ZDHHC24: variants seen among roughly 807,000 people sequenced by gnomAD.
The protein encoded by ZDHHC24 is zDHHC palmitoyltransferase 24.
ZDHHC24 carries 17 observed loss-of-function variants against 23.2 expected under a neutral mutation model. The observed-to-expected ratio is 0.73, with a 90% CI of 0.50 to 1.10. The LOEUF (loss-of-function observed/expected upper bound fraction) is 1.10, where lower values mean the gene tolerates loss of function less well. Among genes scored for constraint, ZDHHC24 ranks in the 50% least tolerant of loss-of-function variants. The probability of loss-of-function intolerance (pLI) is 0.00; values close to 1 mark genes in which losing one functional copy is unlikely to be tolerated. For missense variants in ZDHHC24, 366 were observed against 393.0 expected, an observed-to-expected ratio of 0.93 and a Z score of 0.58; for synonymous variants, 186 against 194.5, an observed-to-expected ratio of 0.96 and a Z score of 0.36.
chr11:66,544,455 T>A (rs947058403), intron 1 of ZDHHC24, among the ~76,000 whole-genome samples: 5 of 152,202 alleles, frequency 3.3e-5, no homozygotes, highest in African/African-American at 9.7e-5. Flanking sequence ...TCCTACAACA[T>A]CCTTCTATCT....
Position 66,545,869 on chromosome 11 carries a change from C to A in ZDHHC24, c.135G>T (p.Pro45=), listed in dbSNP as rs1476030062. 2 of 1,548,302 alleles carry A rather than the reference C, an allele frequency of 1.3e-6. No homozygotes were observed. The highest frequency in any genetic ancestry group is 1.4e-5 in the African/African-American group (1 of 73,378). Residue 45 remains proline, a synonymous_variant, in exon 1 of 3, where the codon CCG becomes CCT. Transcript: ENST00000310442. The surrounding 1 kb of genome is among the most constrained non-coding windows in gnomAD (Gnocchi z 4.5). The part of the protein sequence containing the change: ...YVLVLGPGPP[P]LGPLARALQL... ...GCAAGGCCCGGGCCAGGGGTCCCAGCGGCGGCGGCCCGGGACCGAGCACCA... is the reference window on the plus strand; with the variant it reads ...GCAAGGCCCGGGCCAGGGGTCCCAGAGGCGGCGGCCCGGGACCGAGCACCA...
At position 66,538,601 on chromosome 11, in the gene ZDHHC24, T is replaced by G. The variant is rs1857051455; in HGVS notation, c.*928A>C. 6.6e-6 allele frequency: 1 copy of G among 152,162 alleles called. No homozygotes were observed. The highest frequency in any genetic ancestry group is 2.4e-5 in the African/African-American group (1 of 41,418). 9.4% of individuals were successfully genotyped at this position (152,162 alleles called of 1,614,324 possible). A position where few individuals can be genotyped will look rare whatever the true frequency, so the allele number is the denominator to read the frequency against. On this transcript the variant is annotated 3_prime_UTR_variant, in exon 3 of 3. Transcript: ENST00000310442. ...CTACTGTCTTCCCTCCTGTTTTCTT[T>G]CCCTTTGTATTATTTTTGATTTTCT...
chr11:66,530,144 C>T (rs1856707491), intron 2 of ZDHHC24, among the ~76,000 whole-genome samples: 1 of 152,164 alleles, frequency 6.6e-6, no homozygotes, highest in Non-Finnish European at 1.5e-5. Flanking sequence ...CACCTTCCCA[C>T]CCTCCTGTGC....
At chr11:66,535,187 C>G (rs1421086231), downstream of ZDHHC24, among the ~76,000 whole-genome samples, 1 of 151,428 alleles carries the variant, frequency 6.6e-6, no homozygotes, top group African/African-American at 2.4e-5. Flanking sequence ...GCCACCACAC[C>G]TGGCCTGGAC....
At chr11:66,541,558 AG>A (rs1337834782) in intron 2 of ZDHHC24, among the ~76,000 whole-genome samples, 1 of 152,108 alleles carries the variant, frequency 6.6e-6, no homozygotes, top group African/African-American at 2.4e-5. Flanking sequence ...GGCAACCCTG[AG>A]ACTGTGGGCG....
intron 4 of ZDHHC24, chr11:66,523,102 G>A (rs1313107089): frequency 4.2e-6 from 2 of 473,402 alleles, no homozygotes; most frequent in East Asian, 6.4e-5. Context: ...TCATAATAAA[G>A]TGCCTAAGTC....
intron 2 of ZDHHC24, 65 bp downstream of exon 2, chr11:66,543,639 G>A: frequency 6.8e-7 from 1 of 1,476,876 alleles, no homozygotes; most frequent in Non-Finnish European, 9.0e-7. Context: ...CACCAGAATG[G>A]GCTGTACTCC....
At chr11:66,523,041 C>A in intron 4 of ZDHHC24, 1 of 413,126 alleles carries the variant, frequency 2.4e-6, no homozygotes, top group Non-Finnish European at 4.8e-6. Context: ...AATTGAGAGG[C>A]CAGTAAACTA....
chr11:66,524,036 T>G, intron 4 of ZDHHC24: 3 of 1,146,990 alleles, frequency 2.6e-6, no homozygotes, highest in Non-Finnish European at 3.8e-6. Flanking sequence ...TCCCAGCACT[T>G]TGGGAGGCCA....
At chr11:66,530,191 C>T (rs888639609) in intron 2 of ZDHHC24, among the ~76,000 whole-genome samples, 21 of 152,142 alleles carry the variant, frequency 1.4e-4, no homozygotes, top group Non-Finnish European at 2.4e-4. Context: ...GTGGGACACT[C>T]TCCAGCTCAG....
chr11:66,535,457 C>T (rs147871867), downstream of ZDHHC24, among the ~76,000 whole-genome samples: 1,611 of 151,880 alleles, frequency 0.011, 27 homozygotes, highest in African/African-American at 0.037. Flanking sequence ...CCTCCCGCCT[C>T]AGCCTCCCAA....
intron 2 of ZDHHC24, chr11:66,529,786 T>G: frequency 6.2e-7 from 1 of 1,606,902 alleles, no homozygotes; most frequent in Non-Finnish European, 8.5e-7. Flanking sequence ...ACCCCCCACC[T>G]CCACCGTCAG....
At chr11:66,522,195 C>T (rs138342297) in intron 4 of ZDHHC24, among the ~76,000 whole-genome samples, 2,986 of 147,154 alleles carry the variant, frequency 0.02, 87 homozygotes, top group African/African-American at 0.071. Context: ...CCAGCCTGGG[C>T]ACAGAGCGAG....
chr11:66,521,122 C>T, exon 5 of ZDHHC24: 1 of 708,750 alleles, frequency 1.4e-6, no homozygotes. Flanking sequence ...CCCCAAGTTT[C>T]CCTCCTGAAA....
exon 4 of ZDHHC24, chr11:66,527,003 G>A: frequency 6.5e-7 from 1 of 1,537,524 alleles, no homozygotes; most frequent in Non-Finnish European, 8.7e-7. Context: ...CAGGCTGGAA[G>A]GTGCTGTGGG....
chr11:66,533,668 G>C (rs997302452), downstream of ZDHHC24: 3 of 152,160 alleles, frequency 2.0e-5, no homozygotes, highest in Non-Finnish European at 4.4e-5. Flanking sequence ...TGGACTGATT[G>C]CTAATTCTTC....
Position 66,545,984 on chromosome 11 carries a change from G to T in ZDHHC24, c.20C>A (p.Ala7Asp). The change falls in exon 1 of 3, where the codon GCT (alanine) becomes GAT (aspartate). Residue 7 changes from alanine (A) to aspartate (D), a missense_variant. Ala to Asp is a moderately radical substitution (Grantham distance 126). Transcript: ENST00000310442. This position sits in a 1 kb window ranked among gnomAD's most constrained non-coding sequence, Gnocchi z 4.5. ...CGCGGGCGCCCCGTCCGTGCTCCCAGCCGCCCAGGGCTGCCCCATGGCCTG... is the reference window on the plus strand; with the variant it reads ...CGCGGGCGCCCCGTCCGTGCTCCCATCCGCCCAGGGCTGCCCCATGGCCTG... MGQPWA[A>D]GSTDGAPAQL... 1 of 1,412,792 alleles carries T rather than the reference G, an allele frequency of 7.1e-7. No homozygotes were observed. The highest frequency in any genetic ancestry group is 9.1e-7 in the Non-Finnish European group (1 of 1,097,310). 87.5% of individuals were successfully genotyped at this position (1,412,792 alleles called of 1,614,324 possible).
chr11:66,540,145 C>G (rs559336830), intron 2 of ZDHHC24, among the ~76,000 whole-genome samples: 1 of 152,076 alleles, frequency 6.6e-6, no homozygotes, highest in Admixed American at 6.5e-5. Context: ...TGGCTGGATG[C>G]GGTGGCTCAC....
chr11:66,527,311 G>GTTCA (rs1050415266), intron 3 of ZDHHC24, among the ~76,000 whole-genome samples: 14 of 151,686 alleles, frequency 9.2e-5, no homozygotes, highest in Non-Finnish European at 1.8e-4. Context: ...TTCATCGTTC[G>GTTCA]TTCATTCATT....
Sources: allele counts gnomAD v4.1 joint callset (sites outside exome capture counted in the v4.1 genomes callset), GRCh38; gene constraint gnomAD v4.1.1; non-coding constraint Gnocchi (gnomAD v3.1); transcripts MANE v1.5; gene names NCBI Gene and HGNC (gene_info 2026-07-23, HGNC 2026-07-21).